Variants in ANKRD27 observed in about 807,000 individuals in gnomAD.
ANKRD27 encodes the protein ankyrin repeat domain-containing protein 27.
Under a neutral mutation model 129.7 loss-of-function variants are expected in ANKRD27, and 112 were observed. The observed-to-expected ratio is 0.86, with a 90% confidence interval of 0.74 to 1.01. The LOEUF (loss-of-function observed/expected upper bound fraction) is 1.01. Among genes scored for constraint, ANKRD27 ranks in the 50% least tolerant of loss-of-function variants. The pLI is 0.00. For missense variants in ANKRD27, 1,258 were observed against 1,300.5 expected (o/e 0.97, Z 0.50); for synonymous variants, 516 against 511.2 (o/e 1.01, Z -0.13).
chr19:32,656,063 G>GAAAGAAAAGAAAGA (rs1555747079), intron 2 of ANKRD27, among the ~76,000 whole-genome samples: 2 of 38,092 alleles, frequency 5.3e-5, no homozygotes, highest in African/African-American at 1.7e-4. Flanking sequence ...AGAAAGAAAA[G>GAAAGAAAAGAAAGA]AAAGAAAGAA....
intron 1 of ANKRD27, among the ~76,000 whole-genome samples, chr19:32,667,544 A>T (rs190860040): frequency 1.3e-5 from 2 of 152,348 alleles, no homozygotes; most frequent in Admixed American, 1.3e-4. Flanking sequence ...AACGAAGAGA[A>T]GATCATCTTA....
intron 17 of ANKRD27, 128 bp from the exon 18 acceptor site, chr19:32,622,747 T>C (rs952053426): frequency 3.9e-6 from 3 of 772,054 alleles, no homozygotes; most frequent in Non-Finnish European, 6.5e-6. Flanking sequence ...TCACAGTATC[T>C]GATCAGGACA....
intron 1 of ANKRD27, among the ~76,000 whole-genome samples, chr19:32,667,729 G>A (rs1967787163): frequency 6.6e-6 from 1 of 151,716 alleles, no homozygotes; most frequent in Admixed American, 6.6e-5. Flanking sequence ...CTACTCAGGA[G>A]GCTGAAGCAG....
At chr19:32,651,251 C>T (rs1050731905) in intron 2 of ANKRD27, among the ~76,000 whole-genome samples, 23 of 152,110 alleles carry the variant, frequency 1.5e-4, no homozygotes, top group Non-Finnish European at 2.9e-4. Flanking sequence ...AGCCAGTCCT[C>T]GGGTATTTAA....
rs1972027071 is a variant in ANKRD27 at position 32,622,501 on chromosome 19, GTC to G, written c.1746_1747del (p.Glu582AspfsTer97). 6.2e-7 allele frequency: 1 copy of G among 1,613,850 alleles called. No homozygotes were observed. Among genetic ancestry groups the G allele is most frequent in the Non-Finnish European group, 8.5e-7 (1 of 1,180,024 alleles). On this transcript the variant is annotated frameshift_variant, in exon 18 of 29. Transcript: ENST00000306065. LOFTEE classifies it high-confidence loss of function. ...GGTGGACGCTCCGTTCTGCAGCAAT[GTC>G]TCTATGACGCCTTGGTAGCCCCAGC...
intron 17 of ANKRD27, among the ~76,000 whole-genome samples, chr19:32,625,309 T>C (rs1365853424): frequency 1.3e-5 from 2 of 152,094 alleles, no homozygotes; most frequent in Non-Finnish European, 2.9e-5. Context: ...ATTGAATATG[T>C]ACACAAGTAA....
At chr19:32,600,278 G>A in intron 26 of ANKRD27, 1 of 388,820 alleles carries the variant, frequency 2.6e-6, no homozygotes, top group Non-Finnish European at 4.8e-6. Context: ...AGTGGCTCAT[G>A]CCTGTAATCC....
intron 12 of ANKRD27, among the ~76,000 whole-genome samples, chr19:32,634,257 C>T (rs568998529): frequency 3.2e-4 from 48 of 152,302 alleles, no homozygotes; most frequent in African/African-American, 1.1e-3. Flanking sequence ...AAGGGAACTT[C>T]ATTACTTAAA....
intron 12 of ANKRD27, among the ~76,000 whole-genome samples, chr19:32,635,552 G>A (rs571248153): frequency 9.9e-5 from 15 of 152,122 alleles, no homozygotes; most frequent in South Asian, 6.2e-4. Flanking sequence ...TGATCCACCC[G>A]CCTCAGCCTC....
chr19:32,668,099 G>C (rs1015715668), intron 1 of ANKRD27, among the ~76,000 whole-genome samples: 3 of 152,132 alleles, frequency 2.0e-5, no homozygotes, highest in Non-Finnish European at 4.4e-5. Flanking sequence ...CCATTTGGGA[G>C]AGTCCTTGTA....
At chr19:32,671,288 C>A (rs201475687) in intron 1 of ANKRD27, among the ~76,000 whole-genome samples, 1 of 147,654 alleles carries the variant, frequency 6.8e-6, no homozygotes. Flanking sequence ...ACCCTGTCTC[C>A]AAAAAAAAAA....
intron 21 of ANKRD27, among the ~76,000 whole-genome samples, chr19:32,616,757 T>C (rs1971926709): frequency 6.6e-6 from 1 of 152,096 alleles, no homozygotes; most frequent in South Asian, 2.1e-4. Context: ...GCTCCATCTT[T>C]ATCCAGATAC....
At chr19:32,603,448 G>T (rs537606199) in intron 25 of ANKRD27, among the ~76,000 whole-genome samples, 1 of 152,140 alleles carries the variant, frequency 6.6e-6, no homozygotes, top group African/African-American at 2.4e-5. Flanking sequence ...CTCGCCAGGG[G>T]AAAAGGACCC....
At chr19:32,606,273 C>T (rs1209653591) in intron 23 of ANKRD27, among the ~76,000 whole-genome samples, 1 of 151,736 alleles carries the variant, frequency 6.6e-6, no homozygotes, top group African/African-American at 2.4e-5. Context: ...ACGCCTCAGC[C>T]TCCTGAGCAG....
intron 21 of ANKRD27, among the ~76,000 whole-genome samples, chr19:32,617,039 C>T (rs1599741680): frequency 6.6e-6 from 1 of 152,208 alleles, no homozygotes; most frequent in Non-Finnish European, 1.5e-5. Context: ...GGAGTATGGA[C>T]ATCTGAAAGG....
intron 22 of ANKRD27, chr19:32,608,394 C>T (rs867244550): frequency 2.7e-4 from 96 of 354,968 alleles, no homozygotes; most frequent in Middle Eastern, 2.2e-3. Context: ...GCAAAGGCGA[C>T]GAGATTCACT....
At position 32,604,287 on chromosome 19, in the gene ANKRD27, G is replaced by A. The variant is rs1448550833; in HGVS notation, c.2631C>T (p.Arg877=). The part of the protein sequence containing the change: ...ASVQVLNKRQ[R]TAVDCAEQNS... ...CCTGTTCAGCACAGTCTACAGCCGT[G>A]CGCTGCCGCTTGTTCAGCACCTGAA... is the stretch of plus-strand genomic sequence containing the variant. Residue 877 remains arginine (R), a synonymous_variant, in exon 25 of 29, where the codon CGC becomes CGT. Coordinates refer to ENST00000306065, the MANE Select transcript of ANKRD27 (RefSeq NM_032139.3). 1.2e-6 allele frequency: 2 copies of A among 1,613,178 alleles called. No individual in the cohort carries two copies. Among genetic ancestry groups the A allele is most frequent in the Admixed American group, 1.7e-5 (1 of 59,994 alleles).
chr19:32,619,675 A>G, intron 18 of ANKRD27, 122 bp from the exon 19 acceptor site: 4 of 1,223,258 alleles, frequency 3.3e-6, no homozygotes, highest in Non-Finnish European at 4.8e-6. Context: ...AGTGAGCCTT[A>G]GGTCACGTGG....
chr19:32,630,481 G>A (rs1244461220), intron 13 of ANKRD27, among the ~76,000 whole-genome samples: 1 of 152,254 alleles, frequency 6.6e-6, no homozygotes, highest in Non-Finnish European at 1.5e-5. Flanking sequence ...GGCTCCTCGA[G>A]CCCAGCGGAG....
Sources: allele counts gnomAD v4.1 joint callset (sites outside exome capture counted in the v4.1 genomes callset), GRCh38; gene constraint gnomAD v4.1.1; transcripts MANE v1.5; gene names NCBI Gene and HGNC (gene_info 2026-07-23, HGNC 2026-07-21).